The following ST8SIA6 variants were observed in gnomAD, a reference collection of about 807,000 sequenced individuals.
ST8SIA6 encodes the protein alpha-2,8-sialyltransferase 8F.
A neutral mutation model predicts 33.6 loss-of-function variants in ST8SIA6; 39 were observed. The ratio of observed to expected loss-of-function variants is 1.16; its 90% confidence interval spans 0.90 to 1.52. The LOEUF (loss-of-function observed/expected upper bound fraction) is 1.52. Ranked by LOEUF, ST8SIA6 falls within the 40% of genes most tolerant of loss-of-function variation. The probability of loss-of-function intolerance (pLI) is 0.00; values close to 1 mark genes in which losing one functional copy is unlikely to be tolerated. For synonymous variants in ST8SIA6, 172 were observed against 167.2 expected (o/e 1.03, Z -0.22); for missense variants, 441 against 443.8 (o/e 0.99, Z 0.06).
chr10:17,380,320 A>G (rs549861467), intron 3 of ST8SIA6, among the ~76,000 whole-genome samples: 7 of 152,350 alleles, frequency 4.6e-5, no homozygotes, highest in African/African-American at 1.7e-4. Flanking sequence ...ATTTTAAACA[A>G]CAAAAGTTAG....
intron 2 of ST8SIA6, among the ~76,000 whole-genome samples, chr10:17,407,441 G>A (rs963594597): frequency 5.9e-5 from 9 of 152,142 alleles, no homozygotes; most frequent in Admixed American, 3.9e-4. Flanking sequence ...AAGAAGAGCC[G>A]TGAGCCCAGA....
At chr10:17,334,305 C>T (rs943076556) in intron 4 of ST8SIA6, among the ~76,000 whole-genome samples, 26 of 151,132 alleles carry the variant, frequency 1.7e-4, no homozygotes, top group Non-Finnish European at 3.2e-4. Context: ...TTTGGGAGGC[C>T]GAGGCGGGCG....
chr10:17,326,039 C>T (rs1848120245), intron 6 of ST8SIA6, among the ~76,000 whole-genome samples: 1 of 152,120 alleles, frequency 6.6e-6, no homozygotes, highest in Non-Finnish European at 1.5e-5. Context: ...AATGTGTAAA[C>T]CATTCAGATA....
intron 3 of ST8SIA6, among the ~76,000 whole-genome samples, chr10:17,377,219 G>A (rs1849948676): frequency 6.6e-6 from 1 of 152,086 alleles, no homozygotes; most frequent in African/African-American, 2.4e-5. Context: ...CTGCCTGCAA[G>A]AGAAAAAACC....
chr10:17,437,297 C>A (rs1162225601), intron 2 of ST8SIA6, among the ~76,000 whole-genome samples: 3 of 152,112 alleles, frequency 2.0e-5, no homozygotes, highest in Non-Finnish European at 4.4e-5. Context: ...GTAGTTGGGA[C>A]TACACATGTG....
chr10:17,420,431 T>TAAATA (rs934345925), intron 2 of ST8SIA6, among the ~76,000 whole-genome samples: 1 of 151,920 alleles, frequency 6.6e-6, no homozygotes, highest in African/African-American at 2.4e-5. Flanking sequence ...TAAATAAAAA[T>TAAATA]AAATAAAATA....
rs1051024223 is a variant in ST8SIA6, at chr10:17,316,900, A to C, written c.*3978T>G. On this transcript the variant is annotated 3_prime_UTR_variant, in exon 8 of 8. Coordinates refer to ENST00000377602, the MANE Select transcript of ST8SIA6 (RefSeq NM_001004470.3). ...CTAAAAGCTATTTCAGTCTGTCCCCAGCCTATTAACTTTAAGGTGTCATTC... is the reference window on the plus strand; with the variant it reads ...CTAAAAGCTATTTCAGTCTGTCCCCCGCCTATTAACTTTAAGGTGTCATTC... Among the ~76,000 whole-genome samples, 1 of 152,128 alleles carries C rather than the reference A, an allele frequency of 6.6e-6. No individual in the cohort carries two copies. Among genetic ancestry groups the C allele is most frequent in the African/African-American group, 2.4e-5 (1 of 41,444 alleles).
chr10:17,387,434 CGGGGCGGT>C (rs1161353162), intron 3 of ST8SIA6, among the ~76,000 whole-genome samples: 2 of 7,818 alleles, frequency 2.6e-4, no homozygotes, highest in South Asian at 9.3e-3. Context: ...TGTTTTTAGT[CGGGGCGGT>C]GGGGCGGGGG....
intron 2 of ST8SIA6, among the ~76,000 whole-genome samples, chr10:17,391,591 G>A (rs1182506616): frequency 1.3e-5 from 2 of 152,148 alleles, no homozygotes; most frequent in Non-Finnish European, 2.9e-5. Flanking sequence ...GTTTTCTTCG[G>A]TAGAAAATAT....
chr10:17,393,701 CAG>C (rs1850702836), intron 2 of ST8SIA6, among the ~76,000 whole-genome samples: 2 of 152,082 alleles, frequency 1.3e-5, no homozygotes, highest in Non-Finnish European at 2.9e-5. Context: ...GCAAGACTGA[CAG>C]GACTTCCTAG....
intron 3 of ST8SIA6, among the ~76,000 whole-genome samples, chr10:17,366,599 G>C (rs1427724943): frequency 6.6e-6 from 1 of 152,072 alleles, no homozygotes; most frequent in East Asian, 1.9e-4. Context: ...ACAAAGAGGT[G>C]GGATGTGACG....
At position 17,349,385 on chromosome 10, in the gene ST8SIA6, T is replaced by C. The variant is rs149032092; in HGVS notation, c.377+10129A>G. On this transcript the variant is annotated intron_variant, in intron 4 of 7. Coordinates refer to ENST00000377602, the MANE Select transcript of ST8SIA6 (RefSeq NM_001004470.3). ...GATACCAAGAGTTTAAACTAGTTAGTAAAATATTAATTGTAAGCCAGAAAA... is the reference window on the plus strand; with the variant it reads ...GATACCAAGAGTTTAAACTAGTTAGCAAAATATTAATTGTAAGCCAGAAAA... Among the ~76,000 whole-genome samples, 212 of 152,296 alleles carry C rather than the reference T, an allele frequency of 1.4e-3. 1 individual carries two copies. The highest frequency in any genetic ancestry group is 4.9e-3 in the African/African-American group (205 of 41,550).
intron 3 of ST8SIA6, among the ~76,000 whole-genome samples, chr10:17,371,396 G>A (rs1347832403): frequency 2.6e-5 from 4 of 152,222 alleles, no homozygotes; most frequent in Middle Eastern, 3.4e-3. Context: ...ATGAGGTCCC[G>A]GATGGATGAG....
intron 3 of ST8SIA6, among the ~76,000 whole-genome samples, chr10:17,390,008 AGT>A (rs1168806406): frequency 6.6e-6 from 1 of 152,070 alleles, no homozygotes; most frequent in Non-Finnish European, 1.5e-5. Context: ...TTAGTTTTAG[AGT>A]CAGGGTCTTG....
At chr10:17,363,862 G>A (rs1298050476) in intron 3 of ST8SIA6, among the ~76,000 whole-genome samples, 2 of 152,208 alleles carry the variant, frequency 1.3e-5, no homozygotes, top group African/African-American at 4.8e-5. Flanking sequence ...CTGTTGGGCT[G>A]GCTCATACTC....
intron 6 of ST8SIA6, among the ~76,000 whole-genome samples, chr10:17,326,720 C>T (rs999573026): frequency 1.5e-4 from 23 of 152,292 alleles, no homozygotes; most frequent in African/African-American, 5.5e-4. Flanking sequence ...CCCAAGGTAG[C>T]CATTAACGTA....
At chr10:17,429,450 G>C (rs544881825) in intron 2 of ST8SIA6, among the ~76,000 whole-genome samples, 2 of 150,960 alleles carry the variant, frequency 1.3e-5, no homozygotes, top group African/African-American at 2.4e-5. Context: ...TGCTTAGCTC[G>C]TCCCCGGAGA....
At chr10:17,377,451 T>C (rs1849956587) in intron 3 of ST8SIA6, among the ~76,000 whole-genome samples, 1 of 152,220 alleles carries the variant, frequency 6.6e-6, no homozygotes, top group Non-Finnish European at 1.5e-5. Context: ...TTCATTTAAT[T>C]ATTTGTTTAT....
Position 17,422,546 on chromosome 10 carries a change from A to T in ST8SIA6, c.200+31013T>A, listed in dbSNP as rs111649159. On this transcript the variant is annotated intron_variant, in intron 2 of 7. Transcript: ENST00000377602. ...ATGGCAAATAGACCTTAATAATTCT[A>T]CTCCTCTCTCGCTGCCAATCCTGTA... Among the ~76,000 whole-genome samples, 508 of 152,188 alleles carry T rather than the reference A, an allele frequency of 3.3e-3. 2 individuals carry two copies. Among genetic ancestry groups the T allele is most frequent in the South Asian group, 0.013 (61 of 4,828 alleles).
Sources: allele counts gnomAD v4.1 joint callset (sites outside exome capture counted in the v4.1 genomes callset), GRCh38; gene constraint gnomAD v4.1.1; transcripts MANE v1.5; gene names NCBI Gene and HGNC (gene_info 2026-07-23, HGNC 2026-07-21).